Variants in CC2D2A observed in about 807,000 individuals in gnomAD.
CC2D2A encodes coiled-coil and C2 domain containing 2A.
In CC2D2A, 155 loss-of-function variants were observed where a neutral mutation model predicts 212.9. That is an observed-to-expected ratio of 0.73 (90% CI 0.64 to 0.83). The LOEUF (loss-of-function observed/expected upper bound fraction) is 0.83, where lower values mean the gene tolerates loss of function less well. Among genes scored for constraint, CC2D2A ranks in the 40% least tolerant of loss-of-function variants. The probability of loss-of-function intolerance (pLI) is 0.00; values close to 1 mark genes in which losing one functional copy is unlikely to be tolerated. For missense variants in CC2D2A, 1,856 were observed against 1,956.2 expected, an observed-to-expected ratio of 0.95 and a Z score of 0.97; for synonymous variants, 667 against 686.5, an observed-to-expected ratio of 0.97 and a Z score of 0.44.
At position 15,563,410 on chromosome 4, in the gene CC2D2A, A is replaced by G; in HGVS notation, c.3070A>G (p.Arg1024Gly). ...LAEQKRPLRP[R>G]RKGRKKVTAQ... ...AGAACAAAAGCGACCACTGCGGCCAAGGAGAAAAGGTCGGAAGAAGGTGAC... is the reference window on the plus strand; with the variant it reads ...AGAACAAAAGCGACCACTGCGGCCAGGGAGAAAAGGTCGGAAGAAGGTGAC... The change falls in exon 24 of 37, where the codon AGG becomes GGG. Residue 1024 changes from arginine (R) to glycine (G), a missense_variant. Arg to Gly is a moderately radical substitution (Grantham distance 125, BLOSUM62 -2). Coordinates refer to ENST00000424120, the MANE Select transcript of CC2D2A (RefSeq NM_001378615.1). 2 of 1,609,150 alleles carry G rather than the reference A, an allele frequency of 1.2e-6. No homozygotes were observed. Among genetic ancestry groups the G allele is most frequent in the South Asian group, 2.2e-5 (2 of 89,978 alleles).
rs1029056465 is a variant in CC2D2A, at chr4:15,601,521, G to A, written c.*96G>A. 6.8e-6 allele frequency: 5 copies of A among 737,344 alleles called. No individual in the cohort carries two copies. The African/African-American group carries it at 7.2e-5, about 11-fold the overall frequency. The allele number at this position is 737,344 out of a possible 1,614,324, so 45.7% of individuals were successfully genotyped here. A position where few individuals can be genotyped will look rare whatever the true frequency, so the allele number is the denominator to read the frequency against. ...CATCACATCAGAAGAACATATTATT[G>A]GCAAATAATAAAATTATCAACTGTT... On this transcript the variant is annotated 3_prime_UTR_variant, in exon 37 of 37. Transcript: ENST00000424120.
chr4:15,588,488 A>G (rs953227441), intron 32 of CC2D2A, among the ~76,000 whole-genome samples: 1 of 152,176 alleles, frequency 6.6e-6, no homozygotes, highest in Non-Finnish European at 1.5e-5. Context: ...GCCCACTACA[A>G]ATATCCCTAC....
intron 26 of CC2D2A, 98 bp downstream of exon 26, chr4:15,567,884 C>T: frequency 3.6e-6 from 3 of 828,050 alleles, no homozygotes; most frequent in Middle Eastern, 2.2e-4. Context: ...GATTTTGTAG[C>T]TAGTGAGCGG....
At chr4:15,557,795 A>G (rs1242083929) in intron 21 of CC2D2A, among the ~76,000 whole-genome samples, 1 of 152,244 alleles carries the variant, frequency 6.6e-6, no homozygotes, top group Non-Finnish European at 1.5e-5. Context: ...TTAGAGGTTA[A>G]TATGGCTAAT....
chr4:15,512,225 A>G (rs1388732912), intron 8 of CC2D2A, among the ~76,000 whole-genome samples: 1 of 152,212 alleles, frequency 6.6e-6, no homozygotes, highest in Non-Finnish European at 1.5e-5. Context: ...ATATCCAAAA[A>G]CACTGAAGAC....
intron 33 of CC2D2A, among the ~76,000 whole-genome samples, chr4:15,590,287 G>A (rs566004452): frequency 1.2e-4 from 19 of 152,276 alleles, no homozygotes; most frequent in African/African-American, 4.1e-4. Flanking sequence ...GGCCAAGGTG[G>A]GTGGGTCACC....
rs545368153 is a variant in CC2D2A, at chr4:15,477,927, G to A, written c.40-796G>A. Reference sequence around the variant, plus strand: ...AATTCATACTTTGTGTTCCGAATTTGTTTCAGTATAAAAACAAAAAAATCC... The same window carrying A: ...AATTCATACTTTGTGTTCCGAATTTATTTCAGTATAAAAACAAAAAAATCC... On this transcript the variant is annotated intron_variant, in intron 2 of 36. Coordinates refer to ENST00000424120, the MANE Select transcript of CC2D2A (RefSeq NM_001378615.1). 8.6e-5 allele frequency among the ~76,000 whole-genome samples: 13 copies of A among 152,016 alleles called. No individual in the cohort carries two copies. The South Asian group carries it at 2.1e-3, about 24-fold the overall frequency.
intron 35 of CC2D2A, 67 bp downstream of exon 35, chr4:15,597,532 C>A: frequency 1.6e-6 from 2 of 1,213,990 alleles, no homozygotes; most frequent in Non-Finnish European, 2.4e-6. Context: ...CTTTAAACCA[C>A]TGTCAGCCTG....
At chr4:15,527,305 A>G (rs1160720974) in intron 11 of CC2D2A, 142 bp from the exon 12 acceptor site, 2 of 554,670 alleles carry the variant, frequency 3.6e-6, no homozygotes, top group African/African-American at 3.8e-5. Context: ...AAACCTGGAA[A>G]TAAGTAATCA....
At chr4:15,576,525 ATGT>A (rs1034283445) in intron 29 of CC2D2A, 5 of 216,662 alleles carry the variant, frequency 2.3e-5, no homozygotes, top group African/African-American at 4.7e-5. Flanking sequence ...CTTGTTAAAA[ATGT>A]TTTTTTAAAG....
At chr4:15,562,483 A>G (rs1279401362) in intron 23 of CC2D2A, among the ~76,000 whole-genome samples, 1 of 152,186 alleles carries the variant, frequency 6.6e-6, no homozygotes, top group Non-Finnish European at 1.5e-5. Flanking sequence ...CTTGCATATC[A>G]TCTCCGTGAA....
chr4:15,492,262 T>C (rs988543792), intron 4 of CC2D2A, among the ~76,000 whole-genome samples: 1 of 151,744 alleles, frequency 6.6e-6, no homozygotes, highest in South Asian at 2.1e-4. Flanking sequence ...ACCTTCAGAA[T>C]AGATCTAATG....
Position 15,528,648 on chromosome 4 carries a change from C to G in CC2D2A, c.1388C>G (p.Thr463Ser), listed in dbSNP as rs746180438. The change falls in exon 13 of 37, where the codon ACT (threonine) becomes AGT (serine). Residue 463 changes from threonine to serine, a missense_variant. Coordinates refer to ENST00000424120, the MANE Select transcript of CC2D2A (RefSeq NM_001378615.1). Reference sequence around the variant, plus strand: ...CAAGCTTTAAGAAATGCTGTTCAGACTGGCCTTGATCCAGAAAAACCTCAT... The same window carrying G: ...CAAGCTTTAAGAAATGCTGTTCAGAGTGGCCTTGATCCAGAAAAACCTCAT... ...KLQALRNAVQ[T>S]GLDPEKPHQS... is the part of the protein sequence containing the mutation. The G allele has an allele frequency of 6.8e-6, 11 of 1,613,870 alleles. No individual in the cohort carries two copies. The highest frequency in any genetic ancestry group is 9.3e-6 in the Non-Finnish European group (11 of 1,179,804).
In CC2D2A at chr4:15,589,620, G is replaced by A. The variant is rs746586153; in HGVS notation, c.4255G>A (p.Gly1419Arg). ...GAATCCCTGCAGTGGACATTTTTAT[G>A]GACAATTTGATACATTCTGTCCCTT... ...IWNPCSGHFYGQFDTFCPLKN... is the reference protein window; with the variant it reads ...IWNPCSGHFYRQFDTFCPLKN... Residue 1419 changes from glycine (G) to arginine (R), a missense_variant, in exon 33 of 37, where the codon GGA becomes AGA. Gly to Arg is a moderately radical substitution (Grantham distance 125, BLOSUM62 -2). Coordinates refer to ENST00000424120, the MANE Select transcript of CC2D2A (RefSeq NM_001378615.1). The A allele has an allele frequency of 1.9e-6, 3 of 1,611,866 alleles. No homozygotes were observed. The highest frequency in any genetic ancestry group is 1.7e-5 in the Admixed American group (1 of 59,866).
chr4:15,575,466 A>G (rs1193622162), intron 29 of CC2D2A, among the ~76,000 whole-genome samples: 2 of 152,208 alleles, frequency 1.3e-5, no homozygotes, highest in East Asian at 3.8e-4. Context: ...CCAAGCTTAC[A>G]TTCACATGTA....
At chr4:15,544,506 G>A (rs1405275768) in intron 17 of CC2D2A, among the ~76,000 whole-genome samples, 2 of 152,128 alleles carry the variant, frequency 1.3e-5, no homozygotes, top group East Asian at 3.9e-4. Flanking sequence ...GAAAGGAAGT[G>A]GGCCAGGAGA....
chr4:15,474,170 A>T (rs1714016635), intron 1 of CC2D2A, among the ~76,000 whole-genome samples: 1 of 152,196 alleles, frequency 6.6e-6, no homozygotes, highest in South Asian at 2.1e-4. Flanking sequence ...GAAACCAGCA[A>T]AGGAGTTTGA....
chr4:15,585,402 G>C (rs1273253243), intron 30 of CC2D2A, among the ~76,000 whole-genome samples: 1 of 152,174 alleles, frequency 6.6e-6, no homozygotes, highest in Non-Finnish European at 1.5e-5. Flanking sequence ...GAAGGACAGA[G>C]ACAATATGAT....
intron 6 of CC2D2A, among the ~76,000 whole-genome samples, chr4:15,504,920 C>T (rs1375955299): frequency 6.6e-6 from 1 of 152,202 alleles, no homozygotes; most frequent in African/African-American, 2.4e-5. Flanking sequence ...AGCACAGATG[C>T]TGAACTTCAG....
Sources: gnomAD v4.1 joint callset for allele counts (sites outside exome capture counted in the v4.1 genomes callset) on GRCh38, gnomAD v4.1.1 for gene constraint, MANE v1.5 for transcripts, NCBI Gene and HGNC (gene_info 2026-07-23, HGNC 2026-07-21) for gene names.